Variants in CELF2 observed in about 807,000 individuals in gnomAD.
The protein encoded by CELF2 is CUGBP Elav-like family member 2.
A neutral mutation model predicts 62.6 loss-of-function variants in CELF2; 8 were observed. The observed-to-expected ratio is 0.13, with a 90% CI of 0.07 to 0.23. The LOEUF is 0.23. Ranked by LOEUF, CELF2 falls within the 10% of genes least tolerant of loss-of-function variation. The pLI, the probability that CELF2 is intolerant of heterozygous loss-of-function variation, is 1.00. For synonymous variants in CELF2, 258 were observed against 250.0 expected, an observed-to-expected ratio of 1.03 and a Z score of -0.30; for missense variants, 333 against 671.0, an observed-to-expected ratio of 0.50 and a Z score of 5.56.
the CELF2 span, among the ~76,000 whole-genome samples, chr10:10,560,398 T>G: frequency 2.6e-5 from 4 of 152,198 alleles, no homozygotes; most frequent in Admixed American, 1.3e-4. Flanking sequence ...TTACCAACCA[T>G]CTAATGTTTC....
At chr10:10,477,402 G>A in the CELF2 span, among the ~76,000 whole-genome samples, 1 of 152,154 alleles carries the variant, frequency 6.6e-6, no homozygotes, top group Non-Finnish European at 1.5e-5. Flanking sequence ...TACAATGGGT[G>A]GGCCTAGAAG....
At chr10:10,875,987 T>C (rs1163270128) in intron 1 of CELF2, among the ~76,000 whole-genome samples, 1 of 152,188 alleles carries the variant, frequency 6.6e-6, no homozygotes, top group Non-Finnish European at 1.5e-5. Flanking sequence ...CCTACAGGGA[T>C]TGTAAGTACT....
intron 2 of CELF2, among the ~76,000 whole-genome samples, chr10:11,182,428 G>A (rs1260985486): frequency 6.6e-6 from 1 of 152,176 alleles, no homozygotes; most frequent in Admixed American, 6.5e-5. Flanking sequence ...CCAAGTGCAT[G>A]TTTGGAACTC....
At chr10:10,955,020 T>C (rs138807446) in intron 2 of CELF2, among the ~76,000 whole-genome samples, 63 of 152,398 alleles carry the variant, frequency 4.1e-4, no homozygotes, top group African/African-American at 1.3e-3. Context: ...CTGTGATCTT[T>C]CCTTCTGGTT....
At position 11,290,903 on chromosome 10, in the gene CELF2, T is replaced by TA. The variant is rs2092431832; in HGVS notation, c.976+2357dup. On this transcript the variant is annotated intron_variant, in intron 9 of 12. Coordinates refer to ENST00000633077, the MANE Select transcript of CELF2 (RefSeq NM_001326342.2). The surrounding 1 kb of genome is among the most constrained non-coding windows in gnomAD (Gnocchi z 4.3). Reference sequence around the variant, plus strand: ...TTCAATTATTTTTCTTAAGTGTAACTAAAAAATCTGATGTTTAAGTGAAAG... The same window carrying TA: ...TTCAATTATTTTTCTTAAGTGTAACTAAAAAAATCTGATGTTTAAGTGAAAG... Among the ~76,000 whole-genome samples the TA allele has an allele frequency of 1.3e-5, 2 of 152,356 alleles. No homozygotes were observed. The highest frequency in any genetic ancestry group is 4.8e-5 in the African/African-American group (2 of 41,586).
chr10:11,111,254 A>G (rs1488426340), intron 1 of CELF2, among the ~76,000 whole-genome samples: 1 of 152,230 alleles, frequency 6.6e-6, no homozygotes, highest in Non-Finnish European at 1.5e-5. Flanking sequence ...CTGTGATTAA[A>G]ATAGGCAAAT....
chr10:11,242,823 T>C lies in CELF2; in HGVS notation c.355-6330T>C, dbSNP rs755770978. On this transcript the variant is annotated intron_variant, in intron 3 of 12. Transcript: ENST00000633077. The surrounding 1 kb of genome is among the most constrained non-coding windows in gnomAD (Gnocchi z 4.8). ...GGAGGGAGAAGAGGTGGGAGGACCA[T>C]GGGCTGCTTATCCCCAGGAGGTGGG... Among the ~76,000 whole-genome samples the C allele has an allele frequency of 6.6e-5, 10 of 151,898 alleles. No individual in the cohort carries two copies. Among genetic ancestry groups the C allele is most frequent in the Non-Finnish European group, 1.2e-4 (8 of 67,938 alleles).
At chr10:11,266,183 A>G (rs1045334571) in intron 5 of CELF2, among the ~76,000 whole-genome samples, 3 of 152,212 alleles carry the variant, frequency 2.0e-5, no homozygotes, top group African/African-American at 4.8e-5. Context: ...TTAAAAATCA[A>G]TGATAAAATT....
chr10:10,813,933 G>A (rs981061324), intron 1 of CELF2, among the ~76,000 whole-genome samples: 1 of 152,154 alleles, frequency 6.6e-6, no homozygotes, highest in Non-Finnish European at 1.5e-5. Flanking sequence ...GAGCTAAGCT[G>A]TCCTGGGCTT....
chr10:11,275,871 A>C (rs1265754724), intron 8 of CELF2, among the ~76,000 whole-genome samples: 1 of 152,134 alleles, frequency 6.6e-6, no homozygotes, highest in East Asian at 1.9e-4. Context: ...GAGCGCAATA[A>C]ATCAGAACAC....
chr10:11,189,090 A>AAAGTGAGGCCTCT (rs1588646007), intron 2 of CELF2, among the ~76,000 whole-genome samples: 1 of 152,114 alleles, frequency 6.6e-6, no homozygotes, highest in Non-Finnish European at 1.5e-5. Context: ...TTCTACTTCT[A>AAAGTGAGGCCTCT]AAGTGAGGCC....
chr10:11,091,636 G>A (rs1014547294), intron 1 of CELF2, among the ~76,000 whole-genome samples: 4 of 152,192 alleles, frequency 2.6e-5, no homozygotes, highest in Admixed American at 6.5e-5. Flanking sequence ...AGGTTACATC[G>A]AAGATGGAGG....
intron 1 of CELF2, among the ~76,000 whole-genome samples, chr10:11,062,418 C>G (rs1323351729): frequency 1.3e-5 from 2 of 152,130 alleles, no homozygotes; most frequent in Non-Finnish European, 2.9e-5. Flanking sequence ...AAAGGATTTA[C>G]CATATTAGAG....
the CELF2 span, among the ~76,000 whole-genome samples, chr10:10,633,678 CT>C: frequency 1.2e-4 from 17 of 146,742 alleles, no homozygotes; most frequent in East Asian, 3.3e-3. Context: ...TTAGAAAGAC[CT>C]TTTGTACTTT....
At chr10:11,146,587 A>AT (rs2062324783) in intron 1 of CELF2, among the ~76,000 whole-genome samples, 1 of 152,260 alleles carries the variant, frequency 6.6e-6, no homozygotes, top group South Asian at 2.1e-4. Flanking sequence ...TTGGAGAAGA[A>AT]TAACGTGGGG....
chr10:10,605,108 C>T, the CELF2 span, among the ~76,000 whole-genome samples: 1 of 152,180 alleles, frequency 6.6e-6, no homozygotes, highest in Non-Finnish European at 1.5e-5. Flanking sequence ...AGAATGAGAT[C>T]ATGTCCTTTG....
chr10:10,701,067 G>C, the CELF2 span, among the ~76,000 whole-genome samples: 4 of 152,148 alleles, frequency 2.6e-5, no homozygotes, highest in Admixed American at 2.6e-4. Context: ...ATTTATCAGC[G>C]GCCCTCAGGT....
At chr10:10,745,756 C>A in the CELF2 span, among the ~76,000 whole-genome samples, 98 of 152,342 alleles carry the variant, frequency 6.4e-4, 1 homozygote, top group South Asian at 0.019. Context: ...GACCATCAAG[C>A]CTCCCTACCT....
intron 1 of CELF2, among the ~76,000 whole-genome samples, chr10:11,062,555 T>A (rs994234043): frequency 1.3e-5 from 2 of 152,120 alleles, no homozygotes; most frequent in African/African-American, 4.8e-5. Flanking sequence ...AGGAAGTCCC[T>A]GTATGGTGGA....
Sources: allele counts gnomAD v4.1 joint callset (sites outside exome capture counted in the v4.1 genomes callset), GRCh38; gene constraint gnomAD v4.1.1; non-coding constraint Gnocchi (gnomAD v3.1); transcripts MANE v1.5; gene names NCBI Gene and HGNC (gene_info 2026-07-23, HGNC 2026-07-21).